Variants in IL15 observed in about 807,000 individuals in gnomAD.
IL15 encodes interleukin-15.
IL15 carries 11 observed loss-of-function variants against 19.6 expected under a neutral mutation model. That is an observed-to-expected ratio of 0.56 (90% CI 0.35 to 0.93). The LOEUF is 0.93. Among genes scored for constraint, IL15 ranks in the 40% least tolerant of loss-of-function variants. The pLI, the probability that IL15 is intolerant of heterozygous loss-of-function variation, is 0.01. For missense variants in IL15, 197 were observed against 186.5 expected (o/e 1.06, Z -0.33); for synonymous variants, 58 against 59.6 (o/e 0.97, Z 0.12).
rs529487564 is a variant in IL15 at position 141,677,699 on chromosome 4, A to G, written c.-100+21392A>G. Among the ~76,000 whole-genome samples, 40 of 152,264 alleles carry G rather than the reference A, an allele frequency of 2.6e-4. No individual in the cohort carries two copies. In the South Asian group the frequency reaches 8.1e-3, roughly 31 times the overall value. On this transcript the variant is annotated intron_variant, in intron 2 of 7. Transcript: ENST00000320650. Reference sequence around the variant, plus strand: ...AGCAATGGCATGTTGAAACCTTCTTATGATTTGAGTCTTTCTGGCTTTCCC... The same window carrying G: ...AGCAATGGCATGTTGAAACCTTCTTGTGATTTGAGTCTTTCTGGCTTTCCC...
rs116050320 is a variant in IL15 at position 141,730,113 on chromosome 4, G to A, written c.378+129G>A. On this transcript the variant is annotated intron_variant, in intron 7 of 7. Coordinates refer to ENST00000320650, the MANE Select transcript of IL15 (RefSeq NM_000585.5). ...AGGAGTCCTGTTCCAGTGGAGTGGT[G>A]TGCAAAAGTGGCACCATCTCCAGCA... 9.2e-5 allele frequency: 68 copies of A among 740,226 alleles called. 2 individuals carry two copies. Among genetic ancestry groups the A allele is most frequent in the South Asian group, 7.9e-4 (52 of 65,520 alleles). The allele number at this position is 740,226 out of a possible 1,614,324, so 45.9% of individuals were successfully genotyped here.
chr4:141,665,873 C>T (rs890253322), intron 2 of IL15, among the ~76,000 whole-genome samples: 1 of 151,968 alleles, frequency 6.6e-6, no homozygotes, highest in African/African-American at 2.4e-5. Flanking sequence ...CTCCCATAGA[C>T]CTTGTTATTT....
intron 2 of IL15, among the ~76,000 whole-genome samples, chr4:141,662,452 G>A (rs1011144326): frequency 9.2e-5 from 14 of 152,234 alleles, no homozygotes; most frequent in Non-Finnish European, 1.9e-4. Context: ...GGCTACCTGC[G>A]TTAAAGTCTG....
intron 2 of IL15, among the ~76,000 whole-genome samples, chr4:141,676,159 T>G (rs2152170030): frequency 6.6e-6 from 1 of 152,290 alleles, no homozygotes; most frequent in African/African-American, 2.4e-5. Context: ...TTTTAAGGAA[T>G]TAAGGCAGGA....
intron 2 of IL15, among the ~76,000 whole-genome samples, chr4:141,686,588 G>A (rs1728721061): frequency 6.6e-6 from 1 of 152,216 alleles, no homozygotes; most frequent in East Asian, 1.9e-4. Context: ...TACCTCATAC[G>A]GTTATTGTGA....
rs1248468307 is a variant in IL15 at position 141,733,239 on chromosome 4, C to T, written c.*391C>T. On this transcript the variant is annotated 3_prime_UTR_variant, in exon 8 of 8. Coordinates refer to ENST00000320650, the MANE Select transcript of IL15 (RefSeq NM_000585.5). Reference sequence around the variant, plus strand: ...ATTATGTATTGGTGGGGCTGGGTACCAATGCTGCAGGTCAACAGCTATGCT... The same window carrying T: ...ATTATGTATTGGTGGGGCTGGGTACTAATGCTGCAGGTCAACAGCTATGCT... 2 of 167,744 alleles carry T rather than the reference C, an allele frequency of 1.2e-5. No homozygotes were observed. The highest frequency in any genetic ancestry group is 4.8e-5 in the African/African-American group (2 of 41,502). 10.4% of individuals were successfully genotyped at this position (167,744 alleles called of 1,614,324 possible). A position where few individuals can be genotyped will look rare whatever the true frequency, so the allele number is the denominator to read the frequency against.
At position 141,664,308 on chromosome 4, in the gene IL15, A is replaced by T. The variant is rs1727891221; in HGVS notation, c.-100+8001A>T. Among the ~76,000 whole-genome samples the T allele has an allele frequency of 4.0e-5, 6 of 150,736 alleles. No individual in the cohort carries two copies. The Admixed American group carries it at 4.0e-4, about 10-fold the overall frequency. ...TCTAAAATAGGAAAAACAGAGATAA[A>T]TCTGACTCATTAAAAAAATTCTTTG... On this transcript the variant is annotated intron_variant, in intron 2 of 7. Coordinates refer to ENST00000320650, the MANE Select transcript of IL15 (RefSeq NM_000585.5).
intron 2 of IL15, among the ~76,000 whole-genome samples, chr4:141,696,551 C>T (rs1729102070): frequency 6.6e-6 from 1 of 152,022 alleles, no homozygotes; most frequent in South Asian, 2.1e-4. Flanking sequence ...AATTCTTCTA[C>T]TTCATGAACA....
At chr4:141,729,752 A>C (rs1730388180) in intron 6 of IL15, 95 bp from the exon 7 acceptor site, 1 of 704,802 alleles carries the variant, frequency 1.4e-6, no homozygotes, top group South Asian at 1.9e-5. Context: ...ATCTTTATAA[A>C]ATATTTGGAT....
At chr4:141,707,184 G>T (rs1729544926) in intron 2 of IL15, among the ~76,000 whole-genome samples, 1 of 151,980 alleles carries the variant, frequency 6.6e-6, no homozygotes, top group African/African-American at 2.4e-5. Flanking sequence ...GAAAGATCTA[G>T]TCTATTGTTA....
chr4:141,679,612 T>C (rs1223006485), intron 2 of IL15, among the ~76,000 whole-genome samples: 1 of 152,248 alleles, frequency 6.6e-6, no homozygotes, highest in Non-Finnish European at 1.5e-5. Context: ...CATGCATGAT[T>C]GTGCTTACTT....
Position 141,660,153 on chromosome 4 carries a change from T to C in IL15, c.-100+3846T>C, listed in dbSNP as rs144231237. On this transcript the variant is annotated intron_variant, in intron 2 of 7. Coordinates refer to ENST00000320650, the MANE Select transcript of IL15 (RefSeq NM_000585.5). ...TTATTTTGGATAGTCAACTGGGGAA[T>C]GTAATGGGCTCCATGCTAAAGAAAC... Among the ~76,000 whole-genome samples the C allele has an allele frequency of 9.1e-3, 1,387 of 152,340 alleles. 27 individuals are homozygous for C. The highest frequency in any genetic ancestry group is 0.032 in the African/African-American group (1,316 of 41,578).
At chr4:141,653,950 A>G (rs1303189209) in intron 1 of IL15, among the ~76,000 whole-genome samples, 3 of 152,346 alleles carry the variant, frequency 2.0e-5, no homozygotes, top group African/African-American at 7.2e-5. Flanking sequence ...CATACTGTCA[A>G]ATTAAAAGAA....
At chr4:141,642,697 C>T (rs1468137029) in intron 1 of IL15, among the ~76,000 whole-genome samples, 1 of 152,214 alleles carries the variant, frequency 6.6e-6, no homozygotes, top group Non-Finnish European at 1.5e-5. Context: ...TGTCAGCCTT[C>T]ATGGGTCCTG....
At chr4:141,637,873 G>T (rs753192600) in intron 1 of IL15, among the ~76,000 whole-genome samples, 8 of 152,096 alleles carry the variant, frequency 5.3e-5, no homozygotes, top group Admixed American at 3.3e-4. Context: ...TATTAGCTAG[G>T]CTGAATTTTT....
intron 2 of IL15, among the ~76,000 whole-genome samples, chr4:141,703,685 A>T (rs1729406667): frequency 6.8e-6 from 1 of 148,020 alleles, no homozygotes; most frequent in Non-Finnish European, 1.5e-5. Flanking sequence ...GGATTTTTCC[A>T]GTTTTCCCAG....
At chr4:141,727,239 A>G (rs73851525) in intron 5 of IL15, among the ~76,000 whole-genome samples, 4,004 of 152,236 alleles carry the variant, frequency 0.026, 183 homozygotes, top group African/African-American at 0.091. Flanking sequence ...CAAACACACC[A>G]CACTAATGCA....
At chr4:141,665,695 T>A (rs540774288) in intron 2 of IL15, among the ~76,000 whole-genome samples, 1 of 152,340 alleles carries the variant, frequency 6.6e-6, no homozygotes, top group South Asian at 2.1e-4. Flanking sequence ...TTTCTTTATA[T>A]ATTTCCATAC....
At position 141,704,058 on chromosome 4, in the gene IL15, G is replaced by A. The variant is rs113692843; in HGVS notation, c.-99-15308G>A. ...AATTTGGATGCCTTTTATTTATCTG[G>A]CCTAATTGTCCTGGGTAAGATTTCC... On this transcript the variant is annotated intron_variant, in intron 2 of 7. Transcript: ENST00000320650. Among the ~76,000 whole-genome samples the A allele has an allele frequency of 6.2e-3, 941 of 152,054 alleles. 18 individuals carry two copies. The highest frequency in any genetic ancestry group is 0.022 in the African/African-American group (911 of 41,454).
Sources: allele counts gnomAD v4.1 joint callset (sites outside exome capture counted in the v4.1 genomes callset), GRCh38; gene constraint gnomAD v4.1.1; transcripts MANE v1.5; gene names NCBI Gene and HGNC (gene_info 2026-07-23, HGNC 2026-07-21).